DPP6: variants seen among roughly 807,000 people sequenced by gnomAD.
The protein encoded by DPP6 is A-type potassium channel modulatory protein DPP6.
Under a neutral mutation model 122.6 loss-of-function variants are expected in DPP6, and 69 were observed. The observed-to-expected ratio is 0.56, with a 90% CI of 0.46 to 0.69. The LOEUF is 0.69. Among genes scored for constraint, DPP6 ranks in the 30% least tolerant of loss-of-function variants. The pLI is 0.00. For synonymous variants in DPP6, 418 were observed against 433.1 expected (o/e 0.97, Z 0.43); for missense variants, 928 against 1,116.9 (o/e 0.83, Z 2.41).
chr7:154,623,655 GCACACACACGCA>G lies in DPP6; in HGVS notation c.628-14151_628-14140del, dbSNP rs1352364377. Among the ~76,000 whole-genome samples the G allele has an allele frequency of 2.1e-4, 5 of 23,526 alleles. No individual in the cohort carries two copies. The South Asian group carries it at 4.0e-3, about 19-fold the overall frequency. 15.4% of individuals were successfully genotyped at this position (23,526 alleles called of 152,430 possible). ...TGCGTGCACACACGCGCACACACGC[GCACACACACGCA>G]CACACACACGCACATGCACACACAG... On this transcript the variant is annotated intron_variant, in intron 5 of 25. Transcript: ENST00000377770.
chr7:154,866,415 C>G (rs1039058545), intron 17 of DPP6, among the ~76,000 whole-genome samples: 1 of 152,232 alleles, frequency 6.6e-6, no homozygotes, highest in South Asian at 2.1e-4. Flanking sequence ...GGCGCAGGGG[C>G]ATGCAGGCCC....
intron 4 of DPP6, among the ~76,000 whole-genome samples, chr7:154,557,734 T>G (rs772065994): frequency 6.6e-6 from 1 of 151,930 alleles, no homozygotes; most frequent in Non-Finnish European, 1.5e-5. Context: ...GAATGAACCA[T>G]GCCATCCCGT....
chr7:154,874,086 CAT>C (rs1375774300), intron 19 of DPP6, among the ~76,000 whole-genome samples: 1 of 151,544 alleles, frequency 6.6e-6, no homozygotes, highest in East Asian at 2.0e-4. Context: ...CACATGCACA[CAT>C]GCACACATCT....
intron 16 of DPP6, among the ~76,000 whole-genome samples, chr7:154,817,368 T>C (rs1337292955): frequency 6.6e-6 from 1 of 152,054 alleles, no homozygotes; most frequent in Non-Finnish European, 1.5e-5. Flanking sequence ...ATGGATGACG[T>C]CACAAAAGTC....
chr7:154,653,953 C>A (rs571517856), intron 6 of DPP6, among the ~76,000 whole-genome samples: 67 of 139,004 alleles, frequency 4.8e-4, no homozygotes, highest in Middle Eastern at 7.1e-3. Flanking sequence ...ATTCAAGCAA[C>A]CTCCCTCAGG....
At chr7:154,778,959 ATCACCTCCGCT>A (rs1563200835) in intron 10 of DPP6, among the ~76,000 whole-genome samples, 3 of 83,490 alleles carry the variant, frequency 3.6e-5, no homozygotes, top group South Asian at 3.9e-4. Flanking sequence ...CAGCTCTACC[ATCACCTCCGCT>A]ACCACCATCA....
intron 6 of DPP6, among the ~76,000 whole-genome samples, chr7:154,642,920 A>G (rs182238525): frequency 7.2e-5 from 11 of 152,314 alleles, no homozygotes; most frequent in African/African-American, 2.6e-4. Context: ...AATTAAGTGG[A>G]ATGATATATG....
At chr7:153,866,223 G>A in the DPP6 span, among the ~76,000 whole-genome samples, 2 of 152,226 alleles carry the variant, frequency 1.3e-5, no homozygotes, top group African/African-American at 4.8e-5. Flanking sequence ...CCGAGGAATC[G>A]CCACACTGAC....
At chr7:154,164,893 A>G (rs974855499) in intron 1 of DPP6, among the ~76,000 whole-genome samples, 3 of 152,136 alleles carry the variant, frequency 2.0e-5, no homozygotes, top group Non-Finnish European at 4.4e-5. Context: ...GGTTTTCACT[A>G]TTCAGCTGGT....
At chr7:154,620,157 T>C (rs1834543998) in intron 5 of DPP6, among the ~76,000 whole-genome samples, 1 of 152,214 alleles carries the variant, frequency 6.6e-6, no homozygotes. Flanking sequence ...TGGTGAGGAC[T>C]GAAGACCCAC....
At chr7:154,092,623 T>C (rs1023555768) in intron 1 of DPP6, 1 of 152,124 alleles carries the variant, frequency 6.6e-6, no homozygotes, top group Admixed American at 6.6e-5. Flanking sequence ...CCATGCATCC[T>C]ATCAAGAGGC....
chr7:154,854,509 G>A (rs1802659771), intron 17 of DPP6, among the ~76,000 whole-genome samples: 2 of 152,236 alleles, frequency 1.3e-5, no homozygotes, highest in South Asian at 4.1e-4. Context: ...AAGGACTTAG[G>A]CTCAAAGGTG....
chr7:154,494,500 G>T (rs1824554440), intron 3 of DPP6, among the ~76,000 whole-genome samples: 1 of 151,112 alleles, frequency 6.6e-6, no homozygotes. Flanking sequence ...TCACACAAAT[G>T]ATCTCAGCAT....
intron 1 of DPP6, among the ~76,000 whole-genome samples, chr7:154,430,242 T>C (rs560833376): frequency 1.1e-4 from 16 of 152,326 alleles, no homozygotes; most frequent in Admixed American, 5.2e-4. Flanking sequence ...AGTTTAATGA[T>C]GCAAGTCAAC....
At chr7:154,822,063 G>T (rs1799824892) in intron 16 of DPP6, among the ~76,000 whole-genome samples, 1 of 151,636 alleles carries the variant, frequency 6.6e-6, no homozygotes. Context: ...AACTTTCTCT[G>T]GTCACATCCT....
At chr7:154,383,523 G>T (rs973862989) in intron 1 of DPP6, among the ~76,000 whole-genome samples, 80 of 152,174 alleles carry the variant, frequency 5.3e-4, no homozygotes, top group African/African-American at 1.8e-3. Context: ...AAAGTAACAT[G>T]CATTGTCAAT....
the DPP6 span, among the ~76,000 whole-genome samples, chr7:153,754,015 T>C: frequency 1.6e-4 from 24 of 152,326 alleles, no homozygotes; most frequent in Middle Eastern, 3.4e-3. Flanking sequence ...TTATGATCCA[T>C]GAAGAGTGTC....
At chr7:154,535,891 A>T (rs11975187) in intron 3 of DPP6, among the ~76,000 whole-genome samples, 1 of 151,928 alleles carries the variant, frequency 6.6e-6, no homozygotes, top group Non-Finnish European at 1.5e-5. Flanking sequence ...TGAAGAAATG[A>T]TGTGCATGTG....
chr7:154,032,306 C>T (rs1799285150), intron 1 of DPP6, among the ~76,000 whole-genome samples: 1 of 152,126 alleles, frequency 6.6e-6, no homozygotes, highest in African/African-American at 2.4e-5. Context: ...CCTGAAGCAC[C>T]GAGTGTTGCT....
Sources: gnomAD v4.1 joint callset for allele counts (sites outside exome capture counted in the v4.1 genomes callset) on GRCh38, gnomAD v4.1.1 for gene constraint, MANE v1.5 for transcripts, NCBI Gene and HGNC (gene_info 2026-07-23, HGNC 2026-07-21) for gene names.